The following RSU1 variants were observed in gnomAD, a reference collection of about 807,000 sequenced individuals.
RSU1 encodes the protein Ras suppressor protein 1.
A neutral mutation model predicts 31.1 loss-of-function variants in RSU1; 26 were observed. The observed-to-expected ratio is 0.84, with a 90% CI of 0.61 to 1.16. The LOEUF (loss-of-function observed/expected upper bound fraction) is 1.16. RSU1 is among the 50% of genes most tolerant of loss of function. The pLI, the probability that RSU1 is intolerant of heterozygous loss-of-function variation, is 0.00. For missense variants in RSU1, 320 were observed against 339.1 expected (o/e 0.94, Z 0.44); for synonymous variants, 164 against 136.3 (o/e 1.20, Z -1.41).
chr10:16,761,150 C>G (rs1837205247), intron 4 of RSU1, among the ~76,000 whole-genome samples: 1 of 152,136 alleles, frequency 6.6e-6, no homozygotes, highest in Non-Finnish European at 1.5e-5. Context: ...GCCACGTTGA[C>G]CAGGCTGTTC....
chr10:16,698,125 C>T (rs551639626), intron 7 of RSU1, among the ~76,000 whole-genome samples: 5 of 149,506 alleles, frequency 3.3e-5, no homozygotes, highest in African/African-American at 9.9e-5. Context: ...ATGAGAACAA[C>T]GTGGAGCAGG....
At chr10:16,731,797 T>G (rs1327192975) in intron 7 of RSU1, among the ~76,000 whole-genome samples, 1 of 152,180 alleles carries the variant, frequency 6.6e-6, no homozygotes, top group African/African-American at 2.4e-5. Flanking sequence ...TTGTGAAATA[T>G]CTGTTCTTGC....
At chr10:16,705,653 T>C (rs1456945038) in intron 7 of RSU1, among the ~76,000 whole-genome samples, 1 of 152,108 alleles carries the variant, frequency 6.6e-6, no homozygotes, top group Non-Finnish European at 1.5e-5. Flanking sequence ...CACACTCAGC[T>C]AATTTTTGTA....
At chr10:16,659,856 T>C (rs968935422) in intron 8 of RSU1, among the ~76,000 whole-genome samples, 3 of 152,232 alleles carry the variant, frequency 2.0e-5, no homozygotes, top group Non-Finnish European at 2.9e-5. Flanking sequence ...TCTAACTATA[T>C]ATGTATTAGT....
chr10:16,810,925 G>C (rs1838395372), intron 2 of RSU1, among the ~76,000 whole-genome samples: 1 of 152,208 alleles, frequency 6.6e-6, no homozygotes, highest in Admixed American at 6.5e-5. Context: ...GGGAGGCTGA[G>C]GTGGGAGGAT....
intron 8 of RSU1, among the ~76,000 whole-genome samples, chr10:16,675,154 T>A (rs149168596): frequency 6.8e-6 from 1 of 147,634 alleles, no homozygotes; most frequent in Non-Finnish European, 1.5e-5. Context: ...TGCGGTGAGA[T>A]TGCACCCCTG....
intron 7 of RSU1, among the ~76,000 whole-genome samples, chr10:16,741,642 G>C (rs1836754433): frequency 6.6e-6 from 1 of 152,090 alleles, no homozygotes; most frequent in Non-Finnish European, 1.5e-5. Context: ...GGAAACCATG[G>C]GTGCCAGATG....
chr10:16,697,838 G>A (rs1041905217), intron 7 of RSU1, among the ~76,000 whole-genome samples: 2 of 151,938 alleles, frequency 1.3e-5, no homozygotes, highest in Admixed American at 6.6e-5. Context: ...TCCTTCTTCT[G>A]CAAAATTGGT....
intron 8 of RSU1, among the ~76,000 whole-genome samples, chr10:16,594,078 G>C (rs916670302): frequency 6.6e-6 from 1 of 151,740 alleles, no homozygotes; most frequent in African/African-American, 2.4e-5. Flanking sequence ...CTCCGTGGCT[G>C]AGAGGATTTA....
chr10:16,604,546 C>T (rs760366296), intron 8 of RSU1, among the ~76,000 whole-genome samples: 4 of 152,106 alleles, frequency 2.6e-5, no homozygotes, highest in East Asian at 1.9e-4. Context: ...CCTTCTGCCG[C>T]GACCCTCCAT....
chr10:16,696,059 A>T (rs1835668435), intron 7 of RSU1, among the ~76,000 whole-genome samples: 1 of 152,184 alleles, frequency 6.6e-6, no homozygotes, highest in South Asian at 2.1e-4. Flanking sequence ...ACTTCCTAAA[A>T]TGCGCTCGCC....
intron 7 of RSU1, among the ~76,000 whole-genome samples, chr10:16,698,949 A>G (rs1340873977): frequency 1.3e-5 from 2 of 152,188 alleles, no homozygotes; most frequent in Non-Finnish European, 2.9e-5. Flanking sequence ...CTACTAAATT[A>G]AATCCCCAAG....
chr10:16,815,632 G>A (rs1367466970), intron 2 of RSU1, among the ~76,000 whole-genome samples: 1 of 152,134 alleles, frequency 6.6e-6, no homozygotes, highest in Non-Finnish European at 1.5e-5. Context: ...ATATTGCACA[G>A]CTTTTGTCTT....
At chr10:16,676,722 G>A (rs1010324616) in intron 8 of RSU1, among the ~76,000 whole-genome samples, 57 of 152,170 alleles carry the variant, frequency 3.7e-4, no homozygotes. Context: ...TTCAGATATG[G>A]TGCCTTTCAG....
chr10:16,766,673 C>G (rs1588521594), intron 3 of RSU1, among the ~76,000 whole-genome samples: 1 of 150,904 alleles, frequency 6.6e-6, no homozygotes, highest in South Asian at 2.1e-4. Flanking sequence ...CAAGATCATG[C>G]CATTACACTC....
At chr10:16,765,235 A>G (rs17139116) in intron 3 of RSU1, among the ~76,000 whole-genome samples, 14,913 of 152,224 alleles carry the variant, frequency 0.098, 1,154 homozygotes, top group African/African-American at 0.21. Context: ...TCCTCTTAAC[A>G]TTGCATTAAT....
In RSU1 at chr10:16,662,703, C is replaced by T. The variant is rs1041607340; in HGVS notation, c.731+32320G>A. ...TGCTGAAATTCTATTTTTGTTTAAA[C>T]GAAAGGAACTTCCAAACTTCAACTG... On this transcript the variant is annotated intron_variant, in intron 8 of 8. Transcript: ENST00000345264. Among the ~76,000 whole-genome samples, 6 of 152,058 alleles carry T rather than the reference C, an allele frequency of 3.9e-5. No homozygotes were observed. The East Asian group carries it at 9.6e-4, about 24-fold the overall frequency.
rs553014711 is a variant in RSU1 at position 16,606,542 on chromosome 10, G to T, written c.732-13046C>A. ...TCTGGCCTCACGAGGCTCCTACATG[G>T]GCAGATGAGGGTCGTTCATGACCTC... On this transcript the variant is annotated intron_variant, in intron 8 of 8. Coordinates refer to ENST00000345264, the MANE Select transcript of RSU1 (RefSeq NM_012425.4). Among the ~76,000 whole-genome samples, 111 of 152,246 alleles carry T rather than the reference G, an allele frequency of 7.3e-4. No individual in the cohort carries two copies. In the South Asian group the frequency reaches 1.0e-2, roughly 14 times the overall value.
At chr10:16,749,789 C>A (rs1345713227) in intron 7 of RSU1, among the ~76,000 whole-genome samples, 1 of 152,218 alleles carries the variant, frequency 6.6e-6, no homozygotes, top group Non-Finnish European at 1.5e-5. Context: ...GCAAAGCCCA[C>A]GCCAACTCAC....
Sources: allele counts gnomAD v4.1 joint callset (sites outside exome capture counted in the v4.1 genomes callset), GRCh38; gene constraint gnomAD v4.1.1; transcripts MANE v1.5; gene names NCBI Gene and HGNC (gene_info 2026-07-23, HGNC 2026-07-21).